Variants in YBX2 observed in about 807,000 individuals in gnomAD.
YBX2 encodes the protein Y-box-binding protein 2.
YBX2 carries 5 observed loss-of-function variants against 44.4 expected under a neutral mutation model. The observed-to-expected ratio is 0.11, with a 90% CI of 0.06 to 0.24. The LOEUF is 0.24. Among genes scored for constraint, YBX2 ranks in the 10% least tolerant of loss-of-function variants. YBX2 has a pLI of 1.00. For synonymous variants in YBX2, 188 were observed against 216.1 expected (o/e 0.87, Z 1.14); for missense variants, 417 against 526.9 (o/e 0.79, Z 2.04).
chr17:7,291,911 T>C lies in YBX2; in HGVS notation c.369+115A>G, dbSNP rs2072504099. ...GGTTGACACAGGCACCCAAGGCGGA[T>C]GGGCCGTTGTGAAGAAGAGCCAGAG... is the stretch of plus-strand genomic sequence containing the variant. On this transcript the variant is annotated intron_variant, in intron 3 of 8. Transcript: ENST00000007699. The surrounding 1 kb of genome is among the most constrained non-coding windows in gnomAD (Gnocchi z 5.8). The C allele has an allele frequency of 7.4e-7, 1 of 1,358,292 alleles. No homozygotes were observed. Among genetic ancestry groups the C allele is most frequent in the East Asian group, 2.3e-5 (1 of 43,506 alleles). The allele number at this position is 1,358,292 out of a possible 1,614,324, so 84.1% of individuals were successfully genotyped here. A position where few individuals can be genotyped will look rare whatever the true frequency, so the allele number is the denominator to read the frequency against.
rs2072500239 is a variant in YBX2, at chr17:7,291,337, G to A, written c.370-155C>T. 2 of 733,196 alleles carry A rather than the reference G, an allele frequency of 2.7e-6. No individual in the cohort carries two copies. The highest frequency in any genetic ancestry group is 3.1e-5 in the South Asian group (2 of 64,694). The allele number at this position is 733,196 out of a possible 1,614,324, so 45.4% of individuals were successfully genotyped here. ...AGGAGGTGGTCAAAGTTTAGCAGGG[G>A]AAAAGTCCTGAACTCAGGGCCTCAG... On this transcript the variant is annotated intron_variant, in intron 3 of 8. Transcript: ENST00000007699. This position sits in a 1 kb window ranked among gnomAD's most constrained non-coding sequence, Gnocchi z 5.8.
intron 4 of YBX2, among the ~76,000 whole-genome samples, 186 bp from the exon 5 acceptor site, chr17:7,290,721 C>T (rs2072495667): frequency 6.6e-6 from 1 of 152,206 alleles, no homozygotes; most frequent in South Asian, 2.1e-4. Flanking sequence ...AGCAACATGT[C>T]CTTTTGAAAT....
At chr17:7,288,687 T>C in intron 8 of YBX2, 44 bp from the exon 9 acceptor site, 1 of 1,396,662 alleles carries the variant, frequency 7.2e-7, no homozygotes, top group Admixed American at 1.8e-5. Context: ...CAACAGCGAC[T>C]TGTCATCGCC....
chr17:7,288,635 G>T lies in YBX2; in HGVS notation c.*48C>A. 1.2e-6 allele frequency: 1 copy of T among 857,372 alleles called. No individual in the cohort carries two copies. Among genetic ancestry groups the T allele is most frequent in the Non-Finnish European group, 1.9e-6 (1 of 536,888 alleles). The allele number at this position is 857,372 out of a possible 1,614,324, so 53.1% of individuals were successfully genotyped here. A position where few individuals can be genotyped will look rare whatever the true frequency, so the allele number is the denominator to read the frequency against. On this transcript the variant is annotated 3_prime_UTR_variant, in exon 9 of 9. Transcript: ENST00000007699. ...AGGGTACAGGTCATTTGGAAAAACT[G>T]GCAGATACCTGAGAGAGAAAAGGAA...
In YBX2 at chr17:7,291,931, C is replaced by T; in HGVS notation, c.369+95G>A. On this transcript the variant is annotated intron_variant, in intron 3 of 8. Transcript: ENST00000007699. This position sits in a 1 kb window ranked among gnomAD's most constrained non-coding sequence, Gnocchi z 5.8. Reference sequence around the variant, plus strand: ...GCGGATGGGCCGTTGTGAAGAAGAGCCAGAGAAACATGGCGGAGCGCACTG... The same window carrying T: ...GCGGATGGGCCGTTGTGAAGAAGAGTCAGAGAAACATGGCGGAGCGCACTG... 6.6e-7 allele frequency: 1 copy of T among 1,509,072 alleles called. No homozygotes were observed. The highest frequency in any genetic ancestry group is 1.7e-5 in the Admixed American group (1 of 59,652). The allele number at this position is 1,509,072 out of a possible 1,614,324, so 93.5% of individuals were successfully genotyped here.
At position 7,290,474 on chromosome 17, in the gene YBX2, G is replaced by A. The variant is rs1231167513; in HGVS notation, c.521C>T (p.Ala174Val). ...TCGGCGGGACTTACGTCGGTTGGGG[G>A]CATAACGGCTGCCCTTCACGGGTAC... Reference protein sequence around the residue: ...GGVPVKGSRYAPNRRKSRRFI... With the variant: ...GGVPVKGSRYVPNRRKSRRFI... The change falls in exon 5 of 9, where the codon GCC becomes GTC. Residue 174 changes from alanine (A) to valine (V), a missense_variant. This residue lies in a region of YBX2 where 39 missense variants were observed against 123.8 expected (regional missense o/e 0.32). Transcript: ENST00000007699. The A allele has an allele frequency of 6.2e-7, 1 of 1,613,742 alleles. No individual in the cohort carries two copies. Among genetic ancestry groups the A allele is most frequent in the Non-Finnish European group, 8.5e-7 (1 of 1,179,766 alleles).
Position 7,294,140 on chromosome 17 carries a change from T to G in YBX2, c.271+90A>C. 1 of 1,222,594 alleles carries G rather than the reference T, an allele frequency of 8.2e-7. No homozygotes were observed. Among genetic ancestry groups the G allele is most frequent in the Non-Finnish European group, 1.0e-6 (1 of 979,586 alleles). 75.7% of individuals were successfully genotyped at this position (1,222,594 alleles called of 1,614,324 possible). Reference sequence around the variant, plus strand: ...CTCTGGGCCTGCGGGCCAGGCCGCCTTTGGTTTTCCGGATCCTGCCGGGCT... The same window carrying G: ...CTCTGGGCCTGCGGGCCAGGCCGCCGTTGGTTTTCCGGATCCTGCCGGGCT... On this transcript the variant is annotated intron_variant, in intron 1 of 8. Coordinates refer to ENST00000007699, the MANE Select transcript of YBX2 (RefSeq NM_015982.4). The surrounding 1 kb of genome is among the most constrained non-coding windows in gnomAD (Gnocchi z 4.6).
chr17:7,293,185 G>C, intron 2 of YBX2: 1 of 510,838 alleles, frequency 2.0e-6, no homozygotes, highest in Admixed American at 3.2e-5. Context: ...GCATGTCAGA[G>C]TAAAAGTAAT....
At chr17:7,290,639 C>T in intron 4 of YBX2, 104 bp from the exon 5 acceptor site, 1 of 1,370,690 alleles carries the variant, frequency 7.3e-7, no homozygotes, top group Non-Finnish European at 9.9e-7. Flanking sequence ...TCCAGCTTTC[C>T]TTTAGCTCCT....
In YBX2 at chr17:7,291,364, A is replaced by C. The variant is rs2072500467; in HGVS notation, c.370-182T>G. ...AAAGTCCTGAACTCAGGGCCTCAGC[A>C]GATTGTGCAGTTACCACCATCCCCA... On this transcript the variant is annotated intron_variant, in intron 3 of 8. Coordinates refer to ENST00000007699, the MANE Select transcript of YBX2 (RefSeq NM_015982.4). The surrounding 1 kb of genome is among the most constrained non-coding windows in gnomAD (Gnocchi z 5.8). 1.4e-5 allele frequency: 9 copies of C among 655,286 alleles called. No homozygotes were observed. Among genetic ancestry groups the C allele is most frequent in the Non-Finnish European group, 2.5e-5 (9 of 363,526 alleles). The allele number at this position is 655,286 out of a possible 1,614,324, so 40.6% of individuals were successfully genotyped here.
In YBX2 at chr17:7,294,160, C is replaced by A; in HGVS notation, c.271+70G>T. 1.6e-6 allele frequency: 2 copies of A among 1,229,562 alleles called. No homozygotes were observed. Among genetic ancestry groups the A allele is most frequent in the South Asian group, 3.8e-5 (1 of 26,558 alleles). 76.2% of individuals were successfully genotyped at this position (1,229,562 alleles called of 1,614,324 possible). ...CCGCCTTTGGTTTTCCGGATCCTGC[C>A]GGGCTCCACACTGCCCCTCCCCCAG... On this transcript the variant is annotated intron_variant, in intron 1 of 8. Transcript: ENST00000007699. The surrounding 1 kb of genome is among the most constrained non-coding windows in gnomAD (Gnocchi z 4.6).
Position 7,289,549 on chromosome 17 carries a change from CGGGGGCCAGGGGCCTGCT to C in YBX2, c.1007_1024del (p.Gln336_Pro341del), listed in dbSNP as rs533432910. On this transcript the variant is annotated inframe_deletion, in exon 7 of 9. Coordinates refer to ENST00000007699, the MANE Select transcript of YBX2 (RefSeq NM_015982.4). Reference sequence around the variant, plus strand: ...CCTCACCTCAGGGGCTGCGGGCTGCCGGGGGCCAGGGGCCTGCTGGGGGCCAGGGGCCTGCTGCCGTCT... The same window carrying C: ...CCTCACCTCAGGGGCTGCGGGCTGCCGGGGGCCAGGGGCCTGCTGCCGTCT... 2,594 of 1,607,818 alleles carry C rather than the reference CGGGGGCCAGGGGCCTGCT, an allele frequency of 1.6e-3. 20 individuals are homozygous for C. In the African/African-American group the frequency reaches 0.022, roughly 13 times the overall value.
In YBX2 at chr17:7,289,595, G is replaced by T; in HGVS notation, c.979C>A (p.Arg327=). The part of the protein sequence containing the change: ...QRPRNRPYFQ[R]RRQQAPGPQQ... ...GGGCCAGGGGCCTGCTGCCGTCTCC[G>T]CTGGAAGTAGGGGCGGTTTCGTGGG... The change falls in exon 7 of 9, where the codon CGG becomes AGG. Residue 327 remains arginine, a synonymous_variant. Coordinates refer to ENST00000007699, the MANE Select transcript of YBX2 (RefSeq NM_015982.4). 6.2e-7 allele frequency: 1 copy of T among 1,613,624 alleles called. No homozygotes were observed. Among genetic ancestry groups the T allele is most frequent in the Non-Finnish European group, 8.5e-7 (1 of 1,179,830 alleles).
rs1312938031 is a variant in YBX2 at position 7,294,188 on chromosome 17, C to T, written c.271+42G>A. 2 of 1,246,798 alleles carry T rather than the reference C, an allele frequency of 1.6e-6. No individual in the cohort carries two copies. The highest frequency in any genetic ancestry group is 6.3e-5 in the East Asian group (2 of 31,574). The allele number at this position is 1,246,798 out of a possible 1,614,324, so 77.2% of individuals were successfully genotyped here. A position where few individuals can be genotyped will look rare whatever the true frequency, so the allele number is the denominator to read the frequency against. Reference sequence around the variant, plus strand: ...GCTCCACACTGCCCCTCCCCCAGCCCGCCGACCCCTCAGAGCCGCCCTGTG... The same window carrying T: ...GCTCCACACTGCCCCTCCCCCAGCCTGCCGACCCCTCAGAGCCGCCCTGTG... On this transcript the variant is annotated intron_variant, in intron 1 of 8. Coordinates refer to ENST00000007699, the MANE Select transcript of YBX2 (RefSeq NM_015982.4). The surrounding 1 kb of genome is among the most constrained non-coding windows in gnomAD (Gnocchi z 4.6).
In YBX2 at chr17:7,294,169, C is replaced by A; in HGVS notation, c.271+61G>T. ...GTTTTCCGGATCCTGCCGGGCTCCA[C>A]ACTGCCCCTCCCCCAGCCCGCCGAC... On this transcript the variant is annotated intron_variant, in intron 1 of 8. Coordinates refer to ENST00000007699, the MANE Select transcript of YBX2 (RefSeq NM_015982.4). This position sits in a 1 kb window ranked among gnomAD's most constrained non-coding sequence, Gnocchi z 4.6. The A allele has an allele frequency of 8.0e-7, 1 of 1,245,306 alleles. No individual in the cohort carries two copies. Among genetic ancestry groups the A allele is most frequent in the Non-Finnish European group, 1.0e-6 (1 of 997,650 alleles). 77.1% of individuals were successfully genotyped at this position (1,245,306 alleles called of 1,614,324 possible).
Position 7,288,300 on chromosome 17 carries a change from T to C in YBX2, c.*383A>G, listed in dbSNP as rs994189955. The stretch of plus-strand genomic sequence containing the variant: ...TTTTACTGGAGGCTCAGGTGGCACA[T>C]GACAGATCATAAAATGGCTTCAGAG... On this transcript the variant is annotated 3_prime_UTR_variant, in exon 9 of 9. Transcript: ENST00000007699. The C allele has an allele frequency of 5.9e-6, 1 of 169,020 alleles. No homozygotes were observed. Among genetic ancestry groups the C allele is most frequent in the African/African-American group, 2.4e-5 (1 of 41,598 alleles). 10.5% of individuals were successfully genotyped at this position (169,020 alleles called of 1,614,324 possible). A position where few individuals can be genotyped will look rare whatever the true frequency, so the allele number is the denominator to read the frequency against.
rs997104659 is a variant in YBX2, at chr17:7,293,800, GC to G, written c.272-263del. 84 of 646,826 alleles carry G rather than the reference GC, an allele frequency of 1.3e-4. 1 individual carries two copies. The highest frequency in any genetic ancestry group is 7.3e-4 in the South Asian group (37 of 50,778). 40.1% of individuals were successfully genotyped at this position (646,826 alleles called of 1,614,324 possible). On this transcript the variant is annotated intron_variant, in intron 1 of 8. Transcript: ENST00000007699. ...ACGTTCCCCACATCCTACAAATCCA[GC>G]CCCTTCACCTAGAACTGGGTACTCA...
chr17:7,291,222 G>C lies in YBX2; in HGVS notation c.370-40C>G, dbSNP rs780739199. 41 of 1,587,486 alleles carry C rather than the reference G, an allele frequency of 2.6e-5. 1 individual carries two copies. The highest frequency in any genetic ancestry group is 2.3e-4 in the South Asian group (21 of 90,474). On this transcript the variant is annotated intron_variant, in intron 3 of 8. Transcript: ENST00000007699. The surrounding 1 kb of genome is among the most constrained non-coding windows in gnomAD (Gnocchi z 5.8). ...GGCCATGTGAAAAGTGAGACAGCAA[G>C]ACAGGAGTCTCTGTCACCCCTGCTG...
intron 7 of YBX2, among the ~76,000 whole-genome samples, chr17:7,289,109 G>GCTT (rs2072477214): frequency 6.6e-6 from 1 of 152,168 alleles, no homozygotes; most frequent in Non-Finnish European, 1.5e-5. Flanking sequence ...TGATCTGCCT[G>GCTT]CTTCTGCCTC....
Sources: allele counts gnomAD v4.1 joint callset (sites outside exome capture counted in the v4.1 genomes callset), GRCh38; gene constraint gnomAD v4.1.1; regional missense constraint gnomAD v4.1.1; non-coding constraint Gnocchi (gnomAD v3.1); transcripts MANE v1.5; gene names NCBI Gene and HGNC (gene_info 2026-07-23, HGNC 2026-07-21).